Variants in BRINP3 observed in about 807,000 individuals in gnomAD.
The protein encoded by BRINP3 is BMP/retinoic acid-inducible neural-specific protein 3.
In BRINP3, 19 loss-of-function variants were observed where a neutral mutation model predicts 71.0. The ratio of observed to expected loss-of-function variants is 0.27; its 90% CI spans 0.19 to 0.39. The LOEUF (loss-of-function observed/expected upper bound fraction) is 0.39, where lower values mean the gene tolerates loss of function less well. BRINP3 is among the 10% of genes least tolerant of loss of function. The probability of loss-of-function intolerance (pLI) is 1.00; values close to 1 mark genes in which losing one functional copy is unlikely to be tolerated. For synonymous variants in BRINP3, 380 were observed against 337.7 expected, an observed-to-expected ratio of 1.13 and a Z score of -1.37; for missense variants, 959 against 940.8, an observed-to-expected ratio of 1.02 and a Z score of -0.25.
intron 2 of BRINP3, among the ~76,000 whole-genome samples, chr1:190,293,694 G>A (rs1248828921): frequency 2.0e-5 from 3 of 152,106 alleles, no homozygotes; most frequent in African/African-American, 7.2e-5. Context: ...ACATATTTGG[G>A]TGTTGTGGTA....
intron 2 of BRINP3, among the ~76,000 whole-genome samples, chr1:190,436,405 C>G (rs567706541): frequency 6.6e-6 from 1 of 151,748 alleles, no homozygotes; most frequent in African/African-American, 2.4e-5. Context: ...TATATGTGGT[C>G]AACAATCTTA....
chr1:190,162,411 G>C (rs567959480), intron 6 of BRINP3, among the ~76,000 whole-genome samples: 1 of 152,062 alleles, frequency 6.6e-6, no homozygotes, highest in Non-Finnish European at 1.5e-5. Flanking sequence ...CCAAAGTGCT[G>C]GGATTACAGG....
At chr1:190,204,192 A>C (rs963722708) in intron 6 of BRINP3, among the ~76,000 whole-genome samples, 1 of 151,808 alleles carries the variant, frequency 6.6e-6, no homozygotes, top group African/African-American at 2.4e-5. Context: ...CTCCAGAAAA[A>C]CTTTGTAAAA....
chr1:190,457,030 G>T (rs1676039200), intron 1 of BRINP3, among the ~76,000 whole-genome samples: 1 of 152,078 alleles, frequency 6.6e-6, no homozygotes, highest in Non-Finnish European at 1.5e-5. Flanking sequence ...CTTTGAAAAT[G>T]AAATCAGATT....
rs974257829 is a variant in BRINP3 at position 190,357,649 on chromosome 1, C to T, written c.237-75899G>A. Among the ~76,000 whole-genome samples the T allele has an allele frequency of 9.9e-5, 15 of 151,980 alleles. 1 individual carries two copies. Among genetic ancestry groups the T allele is most frequent in the African/African-American group, 2.4e-4 (10 of 41,412 alleles). On this transcript the variant is annotated intron_variant, in intron 2 of 7. Coordinates refer to ENST00000367462, the MANE Select transcript of BRINP3 (RefSeq NM_199051.3). Reference sequence around the variant, plus strand: ...TTGGCTTAGGATTGTCTTGGCGATGCGGGATCCTTTATGGTTCCATATGAA... The same window carrying T: ...TTGGCTTAGGATTGTCTTGGCGATGTGGGATCCTTTATGGTTCCATATGAA...
At chr1:190,386,323 C>A (rs1446249259) in intron 2 of BRINP3, among the ~76,000 whole-genome samples, 3 of 150,612 alleles carry the variant, frequency 2.0e-5, no homozygotes, top group Admixed American at 6.6e-5. Context: ...TATGGGGCAA[C>A]TAAAATCAAT....
At position 190,248,103 on chromosome 1, in the gene BRINP3, T is replaced by A. The variant is rs193052671; in HGVS notation, c.619-13626A>T. 3.3e-5 allele frequency among the ~76,000 whole-genome samples: 5 copies of A among 152,036 alleles called. No homozygotes were observed. The East Asian group carries it at 9.7e-4, about 29-fold the overall frequency. On this transcript the variant is annotated intron_variant, in intron 4 of 7. Coordinates refer to ENST00000367462, the MANE Select transcript of BRINP3 (RefSeq NM_199051.3). Reference sequence around the variant, plus strand: ...TCAGAATATCCTTCCTATCAACTTATGAATACACAGAAGAATTCTTTTATT... The same window carrying A: ...TCAGAATATCCTTCCTATCAACTTAAGAATACACAGAAGAATTCTTTTATT...
At chr1:190,284,868 C>T (rs1325474867) in intron 2 of BRINP3, among the ~76,000 whole-genome samples, 2 of 151,932 alleles carry the variant, frequency 1.3e-5, no homozygotes, top group African/African-American at 4.8e-5. Flanking sequence ...AAAATATTTT[C>T]TTAATTTCAA....
chr1:190,426,137 T>C (rs1249574131), intron 2 of BRINP3, among the ~76,000 whole-genome samples: 1 of 151,790 alleles, frequency 6.6e-6, no homozygotes, highest in African/African-American at 2.4e-5. Flanking sequence ...TGGAAACGTG[T>C]AATGAAAAAA....
intron 2 of BRINP3, among the ~76,000 whole-genome samples, chr1:190,438,531 G>C: frequency 6.6e-6 from 1 of 151,814 alleles, no homozygotes; most frequent in East Asian, 1.9e-4. Flanking sequence ...CCATCATGAA[G>C]CTTGACTTGT....
chr1:190,202,972 C>T (rs954605249), intron 6 of BRINP3, among the ~76,000 whole-genome samples: 1 of 152,166 alleles, frequency 6.6e-6, no homozygotes, highest in East Asian at 1.9e-4. Flanking sequence ...ATGAACAGAT[C>T]CCCTATACTT....
chr1:190,393,292 G>A (rs1245505923), intron 2 of BRINP3, among the ~76,000 whole-genome samples: 5 of 151,692 alleles, frequency 3.3e-5, no homozygotes, highest in Non-Finnish European at 7.4e-5. Flanking sequence ...ATTTTCTTAA[G>A]ATCGTGAGAG....
chr1:190,412,653 G>A (rs925197700), intron 2 of BRINP3, among the ~76,000 whole-genome samples: 12 of 150,654 alleles, frequency 8.0e-5, no homozygotes, highest in African/African-American at 2.4e-4. Flanking sequence ...TAGTAGAGAC[G>A]GGGTTTCACC....
chr1:190,300,637 T>C (rs1448727849), intron 2 of BRINP3, among the ~76,000 whole-genome samples: 2 of 152,014 alleles, frequency 1.3e-5, no homozygotes, highest in African/African-American at 2.4e-5. Context: ...CCGAGCAGCC[T>C]AACTGGGAGG....
intron 1 of BRINP3, among the ~76,000 whole-genome samples, chr1:190,465,782 T>G (rs1173305643): frequency 6.6e-6 from 1 of 151,858 alleles, no homozygotes; most frequent in Non-Finnish European, 1.5e-5. Flanking sequence ...CCACAAGTCT[T>G]TAACAAGTAT....
At chr1:190,345,513 A>G (rs1667957969) in intron 2 of BRINP3, among the ~76,000 whole-genome samples, 1 of 151,576 alleles carries the variant, frequency 6.6e-6, no homozygotes, top group South Asian at 2.1e-4. Context: ...TTAGTCATAT[A>G]TATCTATTTC....
chr1:190,258,004 C>T (rs1660825764), intron 4 of BRINP3, among the ~76,000 whole-genome samples: 1 of 152,212 alleles, frequency 6.6e-6, no homozygotes, highest in African/African-American at 2.4e-5. Flanking sequence ...GGGGGAACCA[C>T]TGCTATTTTC....
At chr1:190,113,390 C>T (rs945150284) in intron 7 of BRINP3, among the ~76,000 whole-genome samples, 2 of 152,016 alleles carry the variant, frequency 1.3e-5, no homozygotes, top group African/African-American at 2.4e-5. Flanking sequence ...TTAGAGAGGG[C>T]GGAGATTGTG....
intron 7 of BRINP3, among the ~76,000 whole-genome samples, chr1:190,150,592 T>A (rs1352331014): frequency 6.6e-6 from 1 of 152,174 alleles, no homozygotes; most frequent in Non-Finnish European, 1.5e-5. Flanking sequence ...ATTAGTACTA[T>A]CATTCAGAAT....
Sources: allele counts gnomAD v4.1 joint callset (sites outside exome capture counted in the v4.1 genomes callset), GRCh38; gene constraint gnomAD v4.1.1; transcripts MANE v1.5; gene names NCBI Gene and HGNC (gene_info 2026-07-23, HGNC 2026-07-21).